The following CCDC33 variants were observed in gnomAD, a reference collection of about 807,000 sequenced individuals.
CCDC33 encodes the protein coiled-coil domain containing 33.
CCDC33 carries 94 observed loss-of-function variants against 91.9 expected under a neutral mutation model. The ratio of observed to expected loss-of-function variants is 1.02; its 90% CI spans 0.87 to 1.21. The LOEUF (loss-of-function observed/expected upper bound fraction) is 1.21. CCDC33 is among the 50% of genes most tolerant of loss of function. The pLI is 0.00. For missense variants in CCDC33, 940 were observed against 935.5 expected (o/e 1.00, Z -0.06); for synonymous variants, 396 against 374.5 (o/e 1.06, Z -0.66).
Position 74,336,105 on chromosome 15 carries a change from C to A in CCDC33, c.*52C>A. 1 of 1,593,850 alleles carries A rather than the reference C, an allele frequency of 6.3e-7. No individual in the cohort carries two copies. The highest frequency in any genetic ancestry group is 8.5e-7 in the Non-Finnish European group (1 of 1,170,548). On this transcript the variant is annotated 3_prime_UTR_variant, in exon 19 of 19. Coordinates refer to ENST00000398814, the MANE Select transcript of CCDC33 (RefSeq NM_025055.5). ...GTGCTGGGGAGTCTCATCACCGCCC[C>A]CTAAAAATGACGTTATTAAATGTTG...
chr15:74,221,758 G>A (rs2074603777), intron 2 of CCDC33, among the ~76,000 whole-genome samples: 1 of 152,156 alleles, frequency 6.6e-6, no homozygotes, highest in Admixed American at 6.5e-5. Flanking sequence ...CACCTAGAGG[G>A]CTAACTATTT....
chr15:74,265,842 G>T (rs570636662), intron 3 of CCDC33, among the ~76,000 whole-genome samples: 1 of 152,306 alleles, frequency 6.6e-6, no homozygotes, highest in South Asian at 2.1e-4. Flanking sequence ...TGGCCAACAT[G>T]GCAAAACCTT....
chr15:74,286,253 AAAAC>A (rs753309857), intron 10 of CCDC33, among the ~76,000 whole-genome samples: 11 of 152,262 alleles, frequency 7.2e-5, no homozygotes, highest in Non-Finnish European at 1.2e-4. Flanking sequence ...CTCAAAAACA[AAAAC>A]AAACAAACAA....
chr15:74,279,186 A>G (rs1160375735), intron 7 of CCDC33, among the ~76,000 whole-genome samples: 1 of 152,254 alleles, frequency 6.6e-6, no homozygotes. Flanking sequence ...ACATGAAGAT[A>G]TGTAGCAGAG....
intron 1 of CCDC33, among the ~76,000 whole-genome samples, chr15:74,206,226 C>T (rs886773847): frequency 1.3e-5 from 2 of 152,330 alleles, no homozygotes; most frequent in Admixed American, 1.3e-4. Flanking sequence ...CTCCTGGCCC[C>T]CAGCTGCCCT....
At chr15:74,326,160 A>G (rs1041044979) in intron 11 of CCDC33, among the ~76,000 whole-genome samples, 5 of 152,174 alleles carry the variant, frequency 3.3e-5, no homozygotes, top group Non-Finnish European at 7.3e-5. Flanking sequence ...CCCCATCTTT[A>G]CAAAAAATTT....
chr15:74,260,210 C>T (rs748387503), intron 2 of CCDC33, among the ~76,000 whole-genome samples: 1 of 152,082 alleles, frequency 6.6e-6, no homozygotes, highest in Non-Finnish European at 1.5e-5. Context: ...GGTCACAGAG[C>T]CGGAGGGAAA....
chr15:74,334,072 T>C, intron 17 of CCDC33, 105 bp downstream of exon 17: 2 of 1,019,774 alleles, frequency 2.0e-6, no homozygotes, highest in East Asian at 5.3e-5. Context: ...ATGACCAGGA[T>C]CAAGGCTTAG....
intron 2 of CCDC33, among the ~76,000 whole-genome samples, chr15:74,249,889 C>G (rs2075651576): frequency 1.3e-5 from 2 of 152,106 alleles, no homozygotes; most frequent in African/African-American, 4.8e-5. Context: ...TCTTTGAAGC[C>G]CTTTCTCCCC....
chr15:74,288,643 C>G (rs1025973029), intron 10 of CCDC33, among the ~76,000 whole-genome samples: 2 of 152,198 alleles, frequency 1.3e-5, no homozygotes, highest in Non-Finnish European at 1.5e-5. Flanking sequence ...GTTTCTCTCC[C>G]CTGTGGTATT....
upstream of CCDC33, among the ~76,000 whole-genome samples, chr15:74,216,126 C>T (rs545046149): frequency 6.6e-6 from 1 of 152,084 alleles, no homozygotes; most frequent in South Asian, 2.1e-4. Flanking sequence ...GGGAAGAGAG[C>T]TGCTATTACT....
upstream of CCDC33, among the ~76,000 whole-genome samples, chr15:74,215,293 C>G (rs1199945548): frequency 3.3e-5 from 5 of 152,108 alleles, no homozygotes; most frequent in African/African-American, 1.2e-4. Flanking sequence ...AAGACAAATA[C>G]TGTAAGATTC....
At chr15:74,287,876 C>T (rs1210898480) in intron 10 of CCDC33, among the ~76,000 whole-genome samples, 1 of 152,204 alleles carries the variant, frequency 6.6e-6, no homozygotes, top group African/African-American at 2.4e-5. Context: ...AACCTGGCCC[C>T]CAGGTCACAG....
chr15:74,235,752 C>T (rs907597968), upstream of CCDC33, among the ~76,000 whole-genome samples: 1 of 152,156 alleles, frequency 6.6e-6, no homozygotes, highest in African/African-American at 2.4e-5. Context: ...ATCTTTGGTT[C>T]GTACTCTAGT....
At chr15:74,324,432 C>T (rs1386889332) in intron 11 of CCDC33, among the ~76,000 whole-genome samples, 1 of 151,890 alleles carries the variant, frequency 6.6e-6, no homozygotes, top group African/African-American at 2.4e-5. Flanking sequence ...CCATTCAGAC[C>T]ATCTCTAGCG....
intron 2 of CCDC33, among the ~76,000 whole-genome samples, chr15:74,258,588 T>G (rs924365858): frequency 4.6e-5 from 7 of 152,258 alleles, no homozygotes; most frequent in Non-Finnish European, 4.4e-5. Flanking sequence ...CACACCTCTC[T>G]GGGCAGCCTT....
intron 11 of CCDC33, chr15:74,303,062 C>G (rs545523318): frequency 1.3e-5 from 2 of 152,290 alleles, no homozygotes; most frequent in Non-Finnish European, 2.9e-5. Context: ...CAGTCAGACC[C>G]GGCCTCCACT....
In CCDC33 at chr15:74,269,332, G is replaced by A. The variant is rs189872209; in HGVS notation, c.546+874G>A. On this transcript the variant is annotated intron_variant, in intron 5 of 18. Transcript: ENST00000398814. The stretch of plus-strand genomic sequence containing the variant: ...CACCCCCCTACTTCCCACCAGCACC[G>A]TGGGCCTGGCAGGGAAGGAAGCATT... Among the ~76,000 whole-genome samples the A allele has an allele frequency of 3.3e-5, 5 of 152,100 alleles. No homozygotes were observed. The East Asian group carries it at 7.7e-4, about 24-fold the overall frequency.
At chr15:74,310,512 G>A (rs1365603586) in intron 11 of CCDC33, among the ~76,000 whole-genome samples, 2 of 151,274 alleles carry the variant, frequency 1.3e-5, no homozygotes, top group Non-Finnish European at 2.9e-5. Flanking sequence ...ACTCTAGCCT[G>A]GGCGACAGAG....
Sources: allele counts gnomAD v4.1 joint callset (sites outside exome capture counted in the v4.1 genomes callset), GRCh38; gene constraint gnomAD v4.1.1; transcripts MANE v1.5; gene names NCBI Gene and HGNC (gene_info 2026-07-23, HGNC 2026-07-21).